Variants in TDRD3 observed in about 807,000 individuals in gnomAD.
The protein encoded by TDRD3 is tudor domain-containing protein 3.
Under a neutral mutation model 86.7 loss-of-function variants are expected in TDRD3, and 45 were observed. The observed-to-expected ratio is 0.52, with a 90% CI of 0.41 to 0.67. The LOEUF (loss-of-function observed/expected upper bound fraction) is 0.67, where lower values mean the gene tolerates loss of function less well. Among genes scored for constraint, TDRD3 ranks in the 30% least tolerant of loss-of-function variants. TDRD3 has a pLI of 0.00. For synonymous variants in TDRD3, 298 were observed against 301.7 expected (o/e 0.99, Z 0.13); for missense variants, 814 against 889.0 (o/e 0.92, Z 1.07).
intron 1 of TDRD3, among the ~76,000 whole-genome samples, chr13:60,403,137 T>G (rs922769489): frequency 6.7e-6 from 1 of 149,218 alleles, no homozygotes; most frequent in Non-Finnish European, 1.5e-5. Flanking sequence ...TGCAGTGATT[T>G]TTTTTTTTTT....
intron 1 of TDRD3, among the ~76,000 whole-genome samples, chr13:60,427,607 A>G (rs970695258): frequency 1.8e-4 from 27 of 152,230 alleles, no homozygotes; most frequent in Admixed American, 3.9e-4. Context: ...CACACTGTTC[A>G]GTGCTCCTGG....
intron 2 of TDRD3, among the ~76,000 whole-genome samples, chr13:60,441,034 AACAAG>A (rs1485664737): frequency 4.6e-5 from 7 of 152,262 alleles, no homozygotes; most frequent in African/African-American, 1.7e-4. Flanking sequence ...AATTTTACTT[AACAAG>A]ACAAGTAAGA....
intron 5 of TDRD3, among the ~76,000 whole-genome samples, chr13:60,474,595 G>A (rs1308165357): frequency 3.9e-5 from 6 of 152,244 alleles, no homozygotes; most frequent in South Asian, 2.1e-4. Flanking sequence ...CACTTTATGC[G>A]TATTGTAAGA....
At chr13:60,559,982 T>C (rs952891610) in intron 12 of TDRD3, among the ~76,000 whole-genome samples, 3 of 152,194 alleles carry the variant, frequency 2.0e-5, no homozygotes. Flanking sequence ...TGTATACATA[T>C]ATCAAAACAT....
intron 12 of TDRD3, chr13:60,535,993 A>C (rs1202743402): frequency 6.6e-6 from 1 of 152,148 alleles, no homozygotes. Context: ...TATTGTTATA[A>C]GCCAATATCA....
chr13:60,520,984 T>C (rs1183171604), intron 10 of TDRD3, among the ~76,000 whole-genome samples: 2 of 152,204 alleles, frequency 1.3e-5, no homozygotes, highest in East Asian at 1.9e-4. Flanking sequence ...ATGAGGAAAC[T>C]GGGGTTCTTT....
At chr13:60,556,076 G>A (rs1958178159) in intron 12 of TDRD3, among the ~76,000 whole-genome samples, 1 of 152,098 alleles carries the variant, frequency 6.6e-6, no homozygotes, top group East Asian at 1.9e-4. Context: ...TCGATCTCCT[G>A]ACCTCGTGAT....
chr13:60,532,372 C>T (rs948452603), intron 11 of TDRD3, among the ~76,000 whole-genome samples: 4 of 152,072 alleles, frequency 2.6e-5, no homozygotes, highest in African/African-American at 9.7e-5. Context: ...GATTACACCA[C>T]CCTTAACCAT....
chr13:60,561,868 TG>T (rs201787340), intron 12 of TDRD3, among the ~76,000 whole-genome samples: 40,431 of 147,064 alleles, frequency 0.27, 5,521 homozygotes, highest in South Asian at 0.33. Flanking sequence ...GGTTTTTTGT[TG>T]TTGTTGTTGT....
At chr13:60,522,881 GT>G (rs540652971) in intron 10 of TDRD3, among the ~76,000 whole-genome samples, 2 of 151,806 alleles carry the variant, frequency 1.3e-5, no homozygotes, top group Non-Finnish European at 2.9e-5. Context: ...GTTACATTCT[GT>G]TTTTTTTCCT....
At chr13:60,572,119 T>G (rs565923908) in intron 13 of TDRD3, among the ~76,000 whole-genome samples, 2 of 152,262 alleles carry the variant, frequency 1.3e-5, no homozygotes, top group East Asian at 3.9e-4. Context: ...TACTAATTAG[T>G]AGGAGCAGCC....
intron 9 of TDRD3, 90 bp downstream of exon 9, chr13:60,510,009 C>T: frequency 1.4e-6 from 2 of 1,467,698 alleles, no homozygotes; most frequent in Non-Finnish European, 1.8e-6. Flanking sequence ...TCTGTGAGGG[C>T]TGTAATTTTG....
chr13:60,520,038 T>C (rs1957257258), intron 10 of TDRD3, among the ~76,000 whole-genome samples: 1 of 152,134 alleles, frequency 6.6e-6, no homozygotes, highest in Non-Finnish European at 1.5e-5. Context: ...TTTTTAAAAA[T>C]TGGCTTTTCT....
intron 1 of TDRD3, among the ~76,000 whole-genome samples, 195 bp downstream of exon 1, chr13:60,397,600 AGGC>A (rs1345283491): frequency 2.0e-5 from 3 of 147,612 alleles, no homozygotes; most frequent in East Asian, 2.0e-4. Flanking sequence ...GGTCCCCTGG[AGGC>A]GGCGGCGGCG....
chr13:60,570,130 C>A (rs1008827358), intron 13 of TDRD3, among the ~76,000 whole-genome samples: 2 of 152,054 alleles, frequency 1.3e-5, no homozygotes, highest in African/African-American at 2.4e-5. Context: ...AAGAGACCAC[C>A]CACAGAATGG....
intron 1 of TDRD3, among the ~76,000 whole-genome samples, chr13:60,410,490 C>T (rs1424761037): frequency 6.6e-6 from 1 of 152,154 alleles, no homozygotes; most frequent in Non-Finnish European, 1.5e-5. Context: ...AGTATCCTTG[C>T]TCAGTTCACT....
intron 7 of TDRD3, among the ~76,000 whole-genome samples, chr13:60,489,991 T>C (rs1445232974): frequency 6.6e-6 from 1 of 152,056 alleles, no homozygotes; most frequent in Non-Finnish European, 1.5e-5. Flanking sequence ...TGTGCTTCTT[T>C]TTGTTGTCAC....
intron 7 of TDRD3, among the ~76,000 whole-genome samples, chr13:60,486,703 A>G (rs1402119596): frequency 6.6e-6 from 1 of 152,176 alleles, no homozygotes; most frequent in Admixed American, 6.5e-5. Flanking sequence ...TGAACACTAG[A>G]ACTTATTCCT....
chr13:60,406,425 T>G (rs1954235274), intron 1 of TDRD3, among the ~76,000 whole-genome samples: 1 of 152,260 alleles, frequency 6.6e-6, no homozygotes. Context: ...TAAAATATAT[T>G]TTGTTAAAAT....
Sources: gnomAD v4.1 joint callset for allele counts (sites outside exome capture counted in the v4.1 genomes callset) on GRCh38, gnomAD v4.1.1 for gene constraint, MANE v1.5 for transcripts, NCBI Gene and HGNC (gene_info 2026-07-23, HGNC 2026-07-21) for gene names.